The following RPL3 variants were observed in gnomAD, a reference collection of about 807,000 sequenced individuals.
RPL3 encodes the protein ribosomal protein L3.
In RPL3, 3 loss-of-function variants were observed where a neutral mutation model predicts 46.0. The observed-to-expected ratio is 0.07, with a 90% CI of 0.03 to 0.17. The LOEUF (loss-of-function observed/expected upper bound fraction) is 0.17. Ranked by LOEUF, RPL3 falls within the 10% of genes least tolerant of loss-of-function variation. RPL3 has a pLI of 1.00. For missense variants in RPL3, 387 were observed against 532.7 expected, an observed-to-expected ratio of 0.73 and a Z score of 2.69; for synonymous variants, 224 against 190.8, an observed-to-expected ratio of 1.17 and a Z score of -1.43.
intron 4 of RPL3, among the ~76,000 whole-genome samples, chr22:39,316,170 T>C (rs947941043): frequency 6.6e-6 from 1 of 150,780 alleles, no homozygotes; most frequent in Non-Finnish European, 1.5e-5. Context: ...ACCTAGAAAG[T>C]GGAGGTTGCA....
chr22:39,319,539 G>T (rs756982774), intron 1 of RPL3, 56 bp downstream of exon 1: 1 of 1,556,090 alleles, frequency 6.4e-7, no homozygotes, highest in South Asian at 1.2e-5. Flanking sequence ...GATGCGTCGC[G>T]GATTCAGCCG....
chr22:39,313,778 G>C, intron 7 of RPL3, 49 bp from the exon 8 acceptor site: 1 of 1,536,574 alleles, frequency 6.5e-7, no homozygotes, highest in Non-Finnish European at 9.0e-7. Flanking sequence ...GGATTGTCGT[G>C]CAGATGACCC....
chr22:39,313,120 C>T (rs1347933910), intron 9 of RPL3, 71 bp downstream of exon 9: 11 of 1,596,828 alleles, frequency 6.9e-6, no homozygotes, highest in African/African-American at 5.4e-5. Flanking sequence ...ACCCCTACCC[C>T]GGCTGGAGCC....
intron 4 of RPL3, among the ~76,000 whole-genome samples, chr22:39,316,222 A>G (rs1922679846): frequency 7.4e-6 from 1 of 135,380 alleles, no homozygotes; most frequent in Admixed American, 8.0e-5. Flanking sequence ...CTGGGCAACA[A>G]GAACGAAATT....
Position 39,313,269 on chromosome 22 carries a change from A to G in RPL3, c.1089T>C (p.Ile363=). 6.2e-7 allele frequency: 1 copy of G among 1,613,208 alleles called. No homozygotes were observed. Among genetic ancestry groups the G allele is most frequent in the Non-Finnish European group, 8.5e-7 (1 of 1,179,658 alleles). Residue 363 remains isoleucine, a synonymous_variant, in exon 9 of 10, where the codon ATT becomes ATC. Coordinates refer to ENST00000216146, the MANE Select transcript of RPL3 (RefSeq NM_000967.4). ...AGGTGGTGTCAATGAACTTAAGGTC[A>G]ATCTTCTCCAGAGCCCGCCGCTTCG... is the stretch of plus-strand genomic sequence containing the variant. The part of the protein sequence containing the change: ...VQTKRRALEK[I]DLKFIDTTSK...
At chr22:39,316,625 G>T in intron 4 of RPL3, 81 bp downstream of exon 4, 1 of 1,576,818 alleles carries the variant, frequency 6.3e-7, no homozygotes, top group Non-Finnish European at 8.7e-7. Context: ...ACCCATAAGC[G>T]TGCGGGCACG....
chr22:39,317,633 C>A lies in RPL3; in HGVS notation c.197-4G>T, dbSNP rs1253102175. On this transcript the variant is annotated splice_region_variant and splice_polypyrimidine_tract_variant and intron_variant, in intron 2 of 9. Transcript: ENST00000216146. ...ACCACCTCCTTCTTGTTCACCTCTG[C>A]AAAAAAAAAGCAGTAGTCAGACTTG... 1.6e-5 allele frequency: 25 copies of A among 1,562,046 alleles called. No individual in the cohort carries two copies. The Admixed American group carries it at 1.7e-4, about 10-fold the overall frequency.
At chr22:39,316,495 G>A (rs1348047744) in intron 4 of RPL3, among the ~76,000 whole-genome samples, 21 of 152,154 alleles carry the variant, frequency 1.4e-4, no homozygotes, top group East Asian at 1.9e-4. Context: ...CCTCACAACC[G>A]ACTTTCAGGC....
At chr22:39,315,843 T>C (rs185378231) in intron 4 of RPL3, among the ~76,000 whole-genome samples, 1 of 152,326 alleles carries the variant, frequency 6.6e-6, no homozygotes, top group East Asian at 1.9e-4. Flanking sequence ...CCTGTGGCTG[T>C]CCTTTGGGTC....
chr22:39,313,984 G>T, intron 7 of RPL3, 123 bp downstream of exon 7: 1 of 893,002 alleles, frequency 1.1e-6, no homozygotes, highest in East Asian at 2.4e-5. Flanking sequence ...CACTTACAAG[G>T]GACACAGCTA....
At chr22:39,313,060 A>G in intron 9 of RPL3, 76 bp from the exon 10 acceptor site, 1 of 1,608,342 alleles carries the variant, frequency 6.2e-7, no homozygotes. Context: ...GGAGACCAAG[A>G]CTCTGGGCCA....
chr22:39,313,364 A>T, intron 8 of RPL3, 54 bp from the exon 9 acceptor site: 1 of 1,607,952 alleles, frequency 6.2e-7, no homozygotes, highest in Middle Eastern at 1.7e-4. Flanking sequence ...GGCTTTCCTC[A>T]GCACTGTTCA....
intron 2 of RPL3, chr22:39,317,896 T>G: frequency 2.1e-6 from 1 of 477,234 alleles, no homozygotes; most frequent in Admixed American, 3.5e-5. Context: ...CAGACAAGAT[T>G]GCTATTTATC....
intron 6 of RPL3, chr22:39,314,458 T>C (rs1489699503): frequency 1.6e-6 from 1 of 635,458 alleles, no homozygotes; most frequent in East Asian, 2.7e-5. Context: ...CAGGGACCAA[T>C]AAGACTAGTA....
rs145471270 is a variant in RPL3 at position 39,318,520 on chromosome 22, G to A, written c.76C>T (p.Arg26Cys). Residue 26 changes from arginine (R) to cysteine (C), a missense_variant, in exon 2 of 10, where the codon CGT (arginine) becomes TGT (cysteine). Arg to Cys is a radical substitution (Grantham distance 180, BLOSUM62 -3). Coordinates refer to ENST00000216146, the MANE Select transcript of RPL3 (RefSeq NM_000967.4). ...TTAGGGAAGCTCTTCACCTTCCCAC[G>A]ATGCCTGCTGCTGCGCTTCCGAGGC... ...FLPRKRSSRH[R>C]GKVKSFPKDD... is the part of the protein sequence containing the mutation. The A allele has an allele frequency of 1.6e-4, 257 of 1,613,654 alleles. No homozygotes were observed. The highest frequency in any genetic ancestry group is 1.2e-3 in the Middle Eastern group (7 of 6,084).
At chr22:39,314,661 C>A (rs1257468613) in intron 6 of RPL3, 25 bp downstream of exon 6, 2 of 1,599,578 alleles carry the variant, frequency 1.3e-6, no homozygotes, top group East Asian at 2.3e-5. Context: ...TTCCCACCCC[C>A]AGGGAGCCAC....
At chr22:39,318,282 ACGTGTAACT>A (rs1922829584) in intron 2 of RPL3, 109 bp downstream of exon 2, 7 of 992,916 alleles carry the variant, frequency 7.0e-6, no homozygotes, top group African/African-American at 1.6e-5. Context: ...AGTTCTGACA[ACGTGTAACT>A]CCTGCTTAAA....
chr22:39,315,755 G>A (rs560637863), intron 4 of RPL3, among the ~76,000 whole-genome samples, 200 bp from the exon 5 acceptor site: 2 of 152,334 alleles, frequency 1.3e-5, no homozygotes, highest in Admixed American at 6.5e-5. Flanking sequence ...ACTGGTGCCT[G>A]AGTTACTGTC....
At position 39,313,295 on chromosome 22, in the gene RPL3, T is replaced by C. The variant is rs2146509370; in HGVS notation, c.1063A>G (p.Thr355Ala). ...LTLRKSLLVQ[T>A]KRRALEKIDL... is the part of the protein sequence containing the mutation. ...ATCTTCTCCAGAGCCCGCCGCTTCG[T>C]CTGCACCAGCAAGGACTATGGGCCA... Residue 355 changes from threonine (T) to alanine (A), a missense_variant, in exon 9 of 10, where the codon ACG (threonine) becomes GCG (alanine). By Grantham distance (58) the Thr-to-Ala change is moderately conservative (BLOSUM62 0). Around this residue, in one of 5 missense-constraint regions of RPL3, gnomAD observed 131 missense variants for 185.1 expected, o/e 0.71. Coordinates refer to ENST00000216146, the MANE Select transcript of RPL3 (RefSeq NM_000967.4). The C allele has an allele frequency of 6.2e-7, 1 of 1,613,946 alleles. No homozygotes were observed. Among genetic ancestry groups the C allele is most frequent in the Middle Eastern group, 1.6e-4 (1 of 6,062 alleles).
Sources: gnomAD v4.1 joint callset for allele counts (sites outside exome capture counted in the v4.1 genomes callset) on GRCh38, gnomAD v4.1.1 for gene constraint, gnomAD v4.1.1 regional missense constraint, MANE v1.5 for transcripts, NCBI Gene and HGNC (gene_info 2026-07-23, HGNC 2026-07-21) for gene names.